Variants in RAB11FIP3 observed in about 807,000 individuals in gnomAD.
RAB11FIP3 encodes the protein rab11 family-interacting protein 3.
In RAB11FIP3, 17 loss-of-function variants were observed where a neutral mutation model predicts 77.8. The observed-to-expected ratio is 0.22, with a 90% CI of 0.15 to 0.33. RAB11FIP3 has a LOEUF of 0.33. RAB11FIP3 is among the 10% of genes least tolerant of loss of function. RAB11FIP3 has a pLI of 1.00. For synonymous variants in RAB11FIP3, 437 were observed against 448.2 expected (o/e 0.98, Z 0.31); for missense variants, 1,005 against 1,011.2 (o/e 0.99, Z 0.08).
chr16:462,596 G>A (rs1437486648), intron 2 of RAB11FIP3, among the ~76,000 whole-genome samples: 5 of 148,718 alleles, frequency 3.4e-5, no homozygotes, highest in Non-Finnish European at 6.0e-5. Context: ...TCCTCAGCAC[G>A]ATCCCTTCCC....
chr16:509,631 A>G (rs2032035503), intron 8 of RAB11FIP3, among the ~76,000 whole-genome samples: 2 of 152,076 alleles, frequency 1.3e-5, no homozygotes, highest in African/African-American at 4.8e-5. Context: ...CCCTGTGGGA[A>G]TATTCCCTTT....
At chr16:451,269 C>T (rs2055403235) in intron 1 of RAB11FIP3, 2 of 152,274 alleles carry the variant, frequency 1.3e-5, no homozygotes, top group Admixed American at 1.3e-4. Context: ...CTGGAGTCCC[C>T]TCTGTCCCTG....
chr16:471,174 C>T lies in RAB11FIP3; in HGVS notation c.809-121C>T, dbSNP rs1240645222. 2 of 764,776 alleles carry T rather than the reference C, an allele frequency of 2.6e-6. No homozygotes were observed. The highest frequency in any genetic ancestry group is 4.4e-6 in the Non-Finnish European group (2 of 453,546). The allele number at this position is 764,776 out of a possible 1,614,324, so 47.4% of individuals were successfully genotyped here. A position where few individuals can be genotyped will look rare whatever the true frequency, so the allele number is the denominator to read the frequency against. On this transcript the variant is annotated intron_variant, in intron 2 of 13. Transcript: ENST00000262305. This position sits in a 1 kb window ranked among gnomAD's most constrained non-coding sequence, Gnocchi z 4.4. ...TTGCTTGTCTTGACCCCCCCCAGGG[C>T]CCCCAACTCCCACACATCTGTCCCT... is the stretch of plus-strand genomic sequence containing the variant.
chr16:425,961 T>G lies in RAB11FIP3; in HGVS notation c.-46T>G. The G allele has an allele frequency of 1.5e-5, 12 of 777,472 alleles. No individual in the cohort carries two copies. The highest frequency in any genetic ancestry group is 1.3e-4 in the Admixed American group (1 of 7,720). 48.2% of individuals were successfully genotyped at this position (777,472 alleles called of 1,614,324 possible). ...CGCCCGCCGCCGCGCCCTGAGCGCCTTTGTCTGCCGCCCGCGCCCTTCCGC... is the reference window on the plus strand; with the variant it reads ...CGCCCGCCGCCGCGCCCTGAGCGCCGTTGTCTGCCGCCCGCGCCCTTCCGC... On this transcript the variant is annotated 5_prime_UTR_variant, in exon 1 of 14. Coordinates refer to ENST00000262305, the MANE Select transcript of RAB11FIP3 (RefSeq NM_014700.4).
chr16:512,934 G>C (rs989377511), intron 9 of RAB11FIP3, among the ~76,000 whole-genome samples: 1 of 150,192 alleles, frequency 6.7e-6, no homozygotes, highest in Non-Finnish European at 1.5e-5. Context: ...CTCCCACCTC[G>C]GCCTCCCAAA....
At chr16:482,315 G>A (rs1013734835) in intron 3 of RAB11FIP3, 30 of 694,250 alleles carry the variant, frequency 4.3e-5, no homozygotes, top group Admixed American at 2.0e-4. Context: ...CGAGGCCTCC[G>A]AAAGTACTGG....
intron 2 of RAB11FIP3, among the ~76,000 whole-genome samples, chr16:465,167 A>G (rs897042878): frequency 1.3e-5 from 2 of 151,678 alleles, no homozygotes; most frequent in Admixed American, 6.6e-5. Flanking sequence ...TTTGTTTTGT[A>G]TAGCTGTGTT....
chr16:487,076 G>A (rs2056169052), intron 4 of RAB11FIP3, among the ~76,000 whole-genome samples: 2 of 152,022 alleles, frequency 1.3e-5, no homozygotes, highest in South Asian at 4.2e-4. Context: ...GCAGCGCCAA[G>A]TTGAAGACCC....
rs180796116 is a variant in RAB11FIP3 at position 452,074 on chromosome 16, C to T, written c.715-9330C>T. 5.9e-4 allele frequency among the ~76,000 whole-genome samples: 90 copies of T among 152,166 alleles called. 1 individual carries two copies. The highest frequency in any genetic ancestry group is 3.1e-3 in the South Asian group (15 of 4,818). The stretch of plus-strand genomic sequence containing the variant: ...TGATGAGGGAGAATCATTTGAACCT[C>T]GGGAGGGCAGATGTTGCAGTGAGTT... On this transcript the variant is annotated intron_variant, in intron 1 of 13. Transcript: ENST00000262305.
chr16:444,293 G>A (rs866548241), intron 1 of RAB11FIP3, among the ~76,000 whole-genome samples: 1 of 152,250 alleles, frequency 6.6e-6, no homozygotes, highest in South Asian at 2.1e-4. Context: ...CCTTTGTTCC[G>A]GTGTGACGTT....
intron 4 of RAB11FIP3, among the ~76,000 whole-genome samples, chr16:483,901 G>A (rs576072362): frequency 5.3e-5 from 8 of 152,086 alleles, no homozygotes; most frequent in East Asian, 3.9e-4. Context: ...AAGCCCGCCC[G>A]TCCCCCGCTT....
At chr16:448,458 C>T (rs559336108) in intron 1 of RAB11FIP3, among the ~76,000 whole-genome samples, 13 of 152,174 alleles carry the variant, frequency 8.5e-5, no homozygotes, top group Admixed American at 3.3e-4. Flanking sequence ...AAAATTAGGC[C>T]GGGCGCGGTG....
chr16:456,610 T>C (rs2055508437), intron 1 of RAB11FIP3, among the ~76,000 whole-genome samples: 1 of 151,368 alleles, frequency 6.6e-6, no homozygotes, highest in South Asian at 2.1e-4. Context: ...ACTAAAAAAT[T>C]GATTGGGCAT....
chr16:520,365 T>C, intron 12 of RAB11FIP3, 88 bp downstream of exon 12: 1 of 1,585,554 alleles, frequency 6.3e-7, no homozygotes, highest in Non-Finnish European at 8.6e-7. Flanking sequence ...AGGGTCAGCA[T>C]CTGAGCTGGA....
intron 9 of RAB11FIP3, among the ~76,000 whole-genome samples, chr16:517,926 G>GA: frequency 6.6e-6 from 1 of 152,068 alleles, no homozygotes; most frequent in East Asian, 1.9e-4. Context: ...ACTAAAAATA[G>GA]AAAAAATTAG....
intron 6 of RAB11FIP3, chr16:497,174 C>A: frequency 1.1e-6 from 1 of 915,364 alleles, no homozygotes; most frequent in Non-Finnish European, 1.5e-6. Context: ...TCTGAGGTAG[C>A]GAGACCCAGT....
At chr16:519,298 A>G (rs1242923213) in intron 10 of RAB11FIP3, among the ~76,000 whole-genome samples, 1 of 152,204 alleles carries the variant, frequency 6.6e-6, no homozygotes, top group Admixed American at 6.5e-5. Flanking sequence ...TTATGCCCCA[A>G]CCACTGCCGA....
chr16:435,215 A>AG (rs1456123971), intron 1 of RAB11FIP3, among the ~76,000 whole-genome samples: 1 of 152,100 alleles, frequency 6.6e-6, no homozygotes, highest in African/African-American at 2.4e-5. Flanking sequence ...AAAAAAAAAA[A>AG]AAAAAAGTTA....
chr16:455,308 C>T (rs746740479), intron 1 of RAB11FIP3, among the ~76,000 whole-genome samples: 1 of 151,144 alleles, frequency 6.6e-6, no homozygotes, highest in African/African-American at 2.4e-5. Flanking sequence ...GGCGAAACCC[C>T]GTCTCTACTA....
Sources: gnomAD v4.1 joint callset for allele counts (sites outside exome capture counted in the v4.1 genomes callset) on GRCh38, gnomAD v4.1.1 for gene constraint, Gnocchi (gnomAD v3.1) non-coding constraint, MANE v1.5 for transcripts, NCBI Gene and HGNC (gene_info 2026-07-23, HGNC 2026-07-21) for gene names.